NTN1: variants seen among roughly 807,000 people sequenced by gnomAD.
NTN1 encodes the protein netrin-1.
NTN1 carries 11 observed loss-of-function variants against 54.2 expected under a neutral mutation model. The ratio of observed to expected loss-of-function variants is 0.20; its 90% CI spans 0.13 to 0.34. The LOEUF (loss-of-function observed/expected upper bound fraction) is 0.34. NTN1 is among the 10% of genes least tolerant of loss of function. NTN1 has a pLI of 1.00. For missense variants in NTN1, 740 were observed against 893.1 expected (o/e 0.83, Z 2.18); for synonymous variants, 371 against 382.0 (o/e 0.97, Z 0.33).
chr17:9,006,105 T>G, the NTN1 span, among the ~76,000 whole-genome samples: 1 of 116,484 alleles, frequency 8.6e-6, no homozygotes, highest in African/African-American at 3.4e-5. Flanking sequence ...AAGTGGGCGG[T>G]GGAGGGGCAA....
chr17:9,221,147 T>TGGGG lies in NTN1; in HGVS notation c.1412-21_1412-20insGGGG. 3.1e-5 allele frequency: 40 copies of TGGGG among 1,303,514 alleles called. No individual in the cohort carries two copies. Among genetic ancestry groups the TGGGG allele is most frequent in the Non-Finnish European group, 4.0e-5 (38 of 952,608 alleles). 80.7% of individuals were successfully genotyped at this position (1,303,514 alleles called of 1,614,324 possible). ...CAGCCTAATTAGTTTTTGTCTGTGC[T>TGGGG]CCCCCCCCACCCCCCTGCAGACTGC... is the stretch of plus-strand genomic sequence containing the variant. On this transcript the variant is annotated intron_variant, in intron 5 of 6. Coordinates refer to ENST00000173229, the MANE Select transcript of NTN1 (RefSeq NM_004822.3). This position sits in a 1 kb window ranked among gnomAD's most constrained non-coding sequence, Gnocchi z 4.5.
At chr17:9,019,095 A>G (rs534162809), upstream of NTN1, among the ~76,000 whole-genome samples, 1 of 152,336 alleles carries the variant, frequency 6.6e-6, no homozygotes, top group Admixed American at 6.5e-5. Flanking sequence ...TTTGTGGCCC[A>G]CTCAGAAGAG....
intron 2 of NTN1, among the ~76,000 whole-genome samples, chr17:9,162,300 C>G (rs76944382): frequency 1.3e-5 from 2 of 152,168 alleles, no homozygotes; most frequent in Non-Finnish European, 2.9e-5. Flanking sequence ...AAACGCTAGA[C>G]GTTTACTTCT....
At chr17:9,157,603 T>C (rs998091105) in intron 2 of NTN1, among the ~76,000 whole-genome samples, 4 of 152,244 alleles carry the variant, frequency 2.6e-5, no homozygotes, top group African/African-American at 9.6e-5. Context: ...TTACCCTCGT[T>C]ATGCCCTGGG....
chr17:9,072,263 T>C (rs1311540117), intron 2 of NTN1, among the ~76,000 whole-genome samples: 2 of 151,476 alleles, frequency 1.3e-5, no homozygotes, highest in African/African-American at 2.4e-5. Flanking sequence ...TTTTTTTTTT[T>C]TTCAAGCGGG....
chr17:9,127,087 A>C (rs2142266654), intron 2 of NTN1, among the ~76,000 whole-genome samples: 3 of 148,818 alleles, frequency 2.0e-5, no homozygotes, highest in East Asian at 2.0e-4. Flanking sequence ...GGGGCAGGAC[A>C]GGGAGTTAGG....
intron 2 of NTN1, among the ~76,000 whole-genome samples, chr17:9,040,067 A>G (rs888102796): frequency 4.6e-5 from 7 of 152,088 alleles, no homozygotes; most frequent in African/African-American, 1.4e-4. Flanking sequence ...CTGTCAAACT[A>G]TTTTCCAAAA....
the NTN1 span, among the ~76,000 whole-genome samples, chr17:9,015,777 A>G: frequency 5.3e-5 from 8 of 151,878 alleles, no homozygotes; most frequent in Admixed American, 5.2e-4. Flanking sequence ...AACAAAACAA[A>G]ACAAAACTCC....
intron 2 of NTN1, among the ~76,000 whole-genome samples, chr17:9,061,040 T>C (rs1321052533): frequency 4.0e-5 from 6 of 150,266 alleles, no homozygotes; most frequent in East Asian, 3.9e-4. Flanking sequence ...AAGCATGAAG[T>C]TGAAAAAATT....
rs535638157 is a variant in NTN1 at position 9,219,222 on chromosome 17, C to T, written c.1412-1946C>T. ...CCGTTGACTTGAGTGTTTGGGCTGC[C>T]GTCACTTTCATCCCAACCTCTCAGG... On this transcript the variant is annotated intron_variant, in intron 5 of 6. Coordinates refer to ENST00000173229, the MANE Select transcript of NTN1 (RefSeq NM_004822.3). The surrounding 1 kb of genome is among the most constrained non-coding windows in gnomAD (Gnocchi z 4.5). Among the ~76,000 whole-genome samples the T allele has an allele frequency of 1.0e-3, 153 of 152,276 alleles. No individual in the cohort carries two copies. The highest frequency in any genetic ancestry group is 3.6e-3 in the African/African-American group (149 of 41,548).
chr17:9,073,691 G>A (rs779025276), intron 2 of NTN1, among the ~76,000 whole-genome samples: 37 of 152,294 alleles, frequency 2.4e-4, no homozygotes, highest in Non-Finnish European at 3.8e-4. Context: ...CTCTTACAAG[G>A]TCAGTTTTTG....
At position 9,212,456 on chromosome 17, in the gene NTN1, T is replaced by C. The variant is rs1468074849; in HGVS notation, c.1412-8712T>C. ...GCGGAGATTCCATGCAGCTTTCTGG[T>C]TCTAGATCAGGCAGCACCAAACATA... On this transcript the variant is annotated intron_variant, in intron 5 of 6. Coordinates refer to ENST00000173229, the MANE Select transcript of NTN1 (RefSeq NM_004822.3). This position sits in a 1 kb window ranked among gnomAD's most constrained non-coding sequence, Gnocchi z 5.5. Among the ~76,000 whole-genome samples the C allele has an allele frequency of 6.6e-6, 1 of 152,200 alleles. No individual in the cohort carries two copies. Among genetic ancestry groups the C allele is most frequent in the Non-Finnish European group, 1.5e-5 (1 of 68,048 alleles).
chr17:9,074,352 C>T (rs1052717114), intron 2 of NTN1, among the ~76,000 whole-genome samples: 1 of 152,198 alleles, frequency 6.6e-6, no homozygotes, highest in Admixed American at 6.6e-5. Context: ...CTGCGCGTGG[C>T]CTTGGGCTGA....
chr17:9,072,579 G>A (rs1025080713), intron 2 of NTN1, among the ~76,000 whole-genome samples: 3 of 152,146 alleles, frequency 2.0e-5, no homozygotes, highest in African/African-American at 7.2e-5. Context: ...TGCCCGCCTC[G>A]GAGAGGAGGC....
At position 9,059,049 on chromosome 17, in the gene NTN1, T is replaced by C. The variant is rs113208746; in HGVS notation, c.1018+35658T>C. Among the ~76,000 whole-genome samples, 1,357 of 152,294 alleles carry C rather than the reference T, an allele frequency of 8.9e-3. 10 individuals carry two copies. Among genetic ancestry groups the C allele is most frequent in the Middle Eastern group, 0.024 (7 of 294 alleles). On this transcript the variant is annotated intron_variant, in intron 2 of 6. Transcript: ENST00000173229. ...GAGGGCTGTTAGGAGCATTAAATAATTTCATACACGTAAAGTGCATAGAAT... is the reference window on the plus strand; with the variant it reads ...GAGGGCTGTTAGGAGCATTAAATAACTTCATACACGTAAAGTGCATAGAAT...
intron 2 of NTN1, among the ~76,000 whole-genome samples, chr17:9,110,419 G>A (rs1366840866): frequency 6.6e-6 from 1 of 152,062 alleles, no homozygotes; most frequent in African/African-American, 2.4e-5. Flanking sequence ...ACAGGCACCT[G>A]CCACCATGCC....
intron 3 of NTN1, chr17:9,179,002 C>G (rs1368613189): frequency 6.6e-6 from 1 of 152,222 alleles, no homozygotes; most frequent in African/African-American, 2.4e-5. Context: ...CACCTCTCCA[C>G]CCTTTCAAGC....
intron 2 of NTN1, among the ~76,000 whole-genome samples, chr17:9,111,033 C>G (rs2142251367): frequency 6.8e-6 from 1 of 146,680 alleles, no homozygotes; most frequent in Middle Eastern, 3.7e-3. Flanking sequence ...CTCCCTGGTT[C>G]AAGTGATTCT....
chr17:9,070,677 C>T (rs1028762191), intron 2 of NTN1, among the ~76,000 whole-genome samples: 2 of 152,132 alleles, frequency 1.3e-5, no homozygotes, highest in Admixed American at 6.5e-5. Flanking sequence ...CTGCAACCTC[C>T]GCCTCCCGGG....
Sources: gnomAD v4.1 joint callset for allele counts (sites outside exome capture counted in the v4.1 genomes callset) on GRCh38, gnomAD v4.1.1 for gene constraint, Gnocchi (gnomAD v3.1) non-coding constraint, MANE v1.5 for transcripts, NCBI Gene and HGNC (gene_info 2026-07-23, HGNC 2026-07-21) for gene names.